PLCH2: variants seen among roughly 807,000 people sequenced by gnomAD.
PLCH2 encodes 1-phosphatidylinositol 4,5-bisphosphate phosphodiesterase eta-2.
A neutral mutation model predicts 134.7 loss-of-function variants in PLCH2; 98 were observed. That is an observed-to-expected ratio of 0.73 (90% CI 0.62 to 0.86). The LOEUF (loss-of-function observed/expected upper bound fraction) is 0.86, where lower values mean the gene tolerates loss of function less well. Ranked by LOEUF, PLCH2 falls within the 40% of genes least tolerant of loss-of-function variation. The pLI is 0.00. For missense variants in PLCH2, 1,994 were observed against 1,986.6 expected (o/e 1.00, Z -0.07); for synonymous variants, 974 against 827.5 (o/e 1.18, Z -3.04).
At chr1:2,434,409 C>T (rs528763281) in intron 2 of PLCH2, among the ~76,000 whole-genome samples, 4 of 152,372 alleles carry the variant, frequency 2.6e-5, no homozygotes, top group South Asian at 2.1e-4. Context: ...CTGGCAGGGG[C>T]GTATTTCCCC....
At chr1:2,501,890 C>T (rs1300278646) in intron 20 of PLCH2, 3 of 488,650 alleles carry the variant, frequency 6.1e-6, no homozygotes, top group South Asian at 7.7e-5. Flanking sequence ...GCCATGTGTA[C>T]TTAGATCTGT....
Position 2,486,955 on chromosome 1 carries a change from G to C in PLCH2, c.865G>C (p.Glu289Gln). 1 of 1,608,692 alleles carries C rather than the reference G, an allele frequency of 6.2e-7. No homozygotes were observed. The highest frequency in any genetic ancestry group is 8.5e-7 in the Non-Finnish European group (1 of 1,177,726). The change falls in exon 6 of 22, where the codon GAG becomes CAG. Residue 289 changes from glutamate to glutamine, a missense_variant. Glu to Gln is a conservative substitution (Grantham distance 29, BLOSUM62 2). This residue lies in a region of PLCH2 where 1,094 missense variants were observed against 1,234.3 expected (regional missense o/e 0.89). Transcript: ENST00000378486. ...ESCQDIIEQF[E>Q]PCPENKSKGL... Reference sequence around the variant, plus strand: ...CTGCCAGGACATCATCGAGCAGTTTGAGCCATGCCCAGAAAACAAGAGTAA... The same window carrying C: ...CTGCCAGGACATCATCGAGCAGTTTCAGCCATGCCCAGAAAACAAGAGTAA...
chr1:2,483,136 G>A (rs928786841), intron 4 of PLCH2, among the ~76,000 whole-genome samples: 2 of 152,214 alleles, frequency 1.3e-5, no homozygotes, highest in African/African-American at 4.8e-5. Flanking sequence ...GACTTTTGGA[G>A]GTATTTCCTG....
chr1:2,473,559 C>T (rs1641448332), upstream of PLCH2, among the ~76,000 whole-genome samples: 1 of 152,208 alleles, frequency 6.6e-6, no homozygotes, highest in Non-Finnish European at 1.5e-5. Context: ...ACACTGGCTC[C>T]CGTCACCTCC....
intron 13 of PLCH2, among the ~76,000 whole-genome samples, chr1:2,496,006 C>T: frequency 6.6e-6 from 1 of 152,152 alleles, no homozygotes; most frequent in East Asian, 1.9e-4. Flanking sequence ...TCTTTGAGGT[C>T]TCAAACCTAC....
intron 2 of PLCH2, among the ~76,000 whole-genome samples, chr1:2,447,014 G>A (rs953102322): frequency 1.2e-4 from 19 of 152,186 alleles, no homozygotes; most frequent in East Asian, 7.7e-4. Flanking sequence ...CCTCAGAGCC[G>A]CCCTCAGGGC....
chr1:2,471,004 T>A lies in PLCH2; in HGVS notation c.43+3342T>A, dbSNP rs1299103338. Among the ~76,000 whole-genome samples, 6 of 149,082 alleles carry A rather than the reference T, an allele frequency of 4.0e-5. No individual in the cohort carries two copies. In the East Asian group the frequency reaches 1.2e-3, roughly 31 times the overall value. On this transcript the variant is annotated intron_variant, in intron 1 of 21. Transcript: ENST00000449969. ...GCAGCCAGGGCCTCAGAGAAACCAG[T>A]GACTTGTGGCAGGGACAGGAGCCTC...
intron 8 of PLCH2, among the ~76,000 whole-genome samples, chr1:2,488,626 C>T (rs577731566): frequency 2.6e-5 from 4 of 152,328 alleles, no homozygotes; most frequent in Non-Finnish European, 4.4e-5. Flanking sequence ...GTAAAACATA[C>T]ACATGGTTAA....
chr1:2,491,063 G>C, intron 10 of PLCH2, 129 bp from the exon 11 acceptor site: 1 of 869,900 alleles, frequency 1.1e-6, no homozygotes, highest in African/African-American at 1.7e-5. Context: ...CTGCCTGCAG[G>C]CCCTGAGGTG....
At position 2,476,967 on chromosome 1, in the gene PLCH2, G is replaced by A. The variant is rs544035022; in HGVS notation, c.124+255G>A. 2.0e-4 allele frequency among the ~76,000 whole-genome samples: 31 copies of A among 152,332 alleles called. No homozygotes were observed. The South Asian group carries it at 6.4e-3, about 32-fold the overall frequency. ...TGCAGGGCCTGGGGGCTGAACCCAA[G>A]GGGGCGAGGGGGGATCTCAGGTGGC... On this transcript the variant is annotated intron_variant, in intron 1 of 21. Coordinates refer to ENST00000378486, the MANE Select transcript of PLCH2 (RefSeq NM_014638.4).
intron 1 of PLCH2, among the ~76,000 whole-genome samples, chr1:2,470,917 G>T (rs1339628208): frequency 6.6e-6 from 1 of 152,212 alleles, no homozygotes; most frequent in Non-Finnish European, 1.5e-5. Flanking sequence ...CCTTCAGAGA[G>T]CCCCAGGCCA....
At chr1:2,424,694 TA>T (rs2100464514), upstream of PLCH2, among the ~76,000 whole-genome samples, 1 of 151,966 alleles carries the variant, frequency 6.6e-6, no homozygotes, top group East Asian at 1.9e-4. Context: ...CTACTAAAAA[TA>T]CACAAAATTA....
At chr1:2,476,189 C>G (rs1641607356), upstream of PLCH2, 1 of 168,196 alleles carries the variant, frequency 5.9e-6, no homozygotes, top group Admixed American at 6.2e-5. Context: ...CCAGTGCCCT[C>G]CCATCCCCAG....
rs761699388 is a variant in PLCH2 at position 2,504,244 on chromosome 1, G to T, written c.3282G>T (p.Val1094=). The part of the protein sequence containing the change: ...TLGHLPVIRR[V]KSEGQVPTEP... ...GCCACCTGCCCGTGATTAGAAGGGT[G>T]AAGAGTGAGGGGCAGGTGCCCACGG... The change falls in exon 22 of 22, where the codon GTG becomes GTT. Residue 1094 remains valine (V), a synonymous_variant. Transcript: ENST00000378486. 35 of 1,584,950 alleles carry T rather than the reference G, an allele frequency of 2.2e-5. No homozygotes were observed. The highest frequency in any genetic ancestry group is 2.7e-5 in the Non-Finnish European group (31 of 1,167,298).
At chr1:2,485,483 G>A (rs1558007776) in intron 5 of PLCH2, among the ~76,000 whole-genome samples, 2 of 152,192 alleles carry the variant, frequency 1.3e-5, no homozygotes, top group Non-Finnish European at 2.9e-5. Context: ...CAGGGACAGG[G>A]CAAGCCTTAG....
intron 2 of PLCH2, among the ~76,000 whole-genome samples, chr1:2,459,878 C>T (rs1028064153): frequency 7.2e-5 from 11 of 152,258 alleles, no homozygotes; most frequent in African/African-American, 1.4e-4. Context: ...TTCTGCTCAG[C>T]GCCTCATGGT....
At chr1:2,428,623 G>A (rs558388468) in intron 1 of PLCH2, among the ~76,000 whole-genome samples, 51 of 152,384 alleles carry the variant, frequency 3.3e-4, no homozygotes, top group Non-Finnish European at 6.0e-4. Flanking sequence ...CAGCCCCAGC[G>A]GAGCCCACGC....
rs1438265468 is a variant in PLCH2, at chr1:2,487,648, A to G, written c.1165A>G (p.Thr389Ala). The G allele has an allele frequency of 4.3e-6, 7 of 1,613,446 alleles. No homozygotes were observed. Among genetic ancestry groups the G allele is most frequent in the South Asian group, 2.2e-5 (2 of 91,086 alleles). The stretch of plus-strand genomic sequence containing the variant: ...GGAGCCCATTGTGCACCATGGCTAC[A>G]CTCTGACTTCCAAGATCCTCTTCAA... The part of the protein sequence containing the change: ...DGEPIVHHGY[T>A]LTSKILFKDV... Residue 389 changes from threonine (T) to alanine (A), a missense_variant, in exon 8 of 22, where the codon ACT becomes GCT. Coordinates refer to ENST00000378486, the MANE Select transcript of PLCH2 (RefSeq NM_014638.4).
chr1:2,416,127 C>T, the PLCH2 span, among the ~76,000 whole-genome samples: 16,632 of 152,200 alleles, frequency 0.11, 1,180 homozygotes, highest in East Asian at 0.32. Flanking sequence ...TGAGCACCAC[C>T]GGAACAGGGG....
Sources: gnomAD v4.1 joint callset for allele counts (sites outside exome capture counted in the v4.1 genomes callset) on GRCh38, gnomAD v4.1.1 for gene constraint, gnomAD v4.1.1 regional missense constraint, MANE v1.5 for transcripts, NCBI Gene and HGNC (gene_info 2026-07-23, HGNC 2026-07-21) for gene names.